Variants in CAMTA1 observed in about 807,000 individuals in gnomAD.
The protein encoded by CAMTA1 is calmodulin binding transcription activator 1.
CAMTA1 carries 27 observed loss-of-function variants against 170.9 expected under a neutral mutation model. That is an observed-to-expected ratio of 0.16 (90% CI 0.12 to 0.22). The LOEUF (loss-of-function observed/expected upper bound fraction) is 0.22. CAMTA1 is among the 10% of genes least tolerant of loss of function. The probability of loss-of-function intolerance (pLI) is 1.00; values close to 1 mark genes in which losing one functional copy is unlikely to be tolerated. For missense variants in CAMTA1, 1,619 were observed against 2,217.2 expected (o/e 0.73, Z 5.42); for synonymous variants, 833 against 891.5 (o/e 0.93, Z 1.17).
At chr1:7,002,624 G>T (rs1698394579) in intron 3 of CAMTA1, among the ~76,000 whole-genome samples, 1 of 152,210 alleles carries the variant, frequency 6.6e-6, no homozygotes, top group African/African-American at 2.4e-5. Flanking sequence ...CTTGTGGGGT[G>T]ACTTGGATCT....
chr1:7,663,849 C>G lies in CAMTA1; in HGVS notation c.1302C>G (p.Ala434=). 1 of 1,614,090 alleles carries G rather than the reference C, an allele frequency of 6.2e-7. No homozygotes were observed. The highest frequency in any genetic ancestry group is 1.3e-5 in the African/African-American group (1 of 75,054). Reference sequence around the variant, plus strand: ...ACGCCTCTCAGGGCCTCGTCCTGGCCGTGAGCTCTGATGGCCACAAGTTCG... The same window carrying G: ...ACGCCTCTCAGGGCCTCGTCCTGGCGGTGAGCTCTGATGGCCACAAGTTCG... The part of the protein sequence containing the change: ...SPDASQGLVL[A]VSSDGHKFAF... Residue 434 remains alanine, a synonymous_variant, in exon 9 of 23, where the codon GCC becomes GCG. Transcript: ENST00000303635.
At chr1:7,324,803 T>C in intron 5 of CAMTA1, among the ~76,000 whole-genome samples, 1 of 98,652 alleles carries the variant, frequency 1.0e-5, no homozygotes, top group African/African-American at 3.1e-5. Context: ...GGAGACTCCA[T>C]CTCAAAAAAA....
intron 6 of CAMTA1, among the ~76,000 whole-genome samples, chr1:7,572,729 C>T (rs2095139737): frequency 6.6e-6 from 1 of 152,216 alleles, no homozygotes; most frequent in African/African-American, 2.4e-5. Context: ...CTAATACCAT[C>T]ACCTGGGGGT....
intron 6 of CAMTA1, among the ~76,000 whole-genome samples, chr1:7,624,281 C>T (rs1206276721): frequency 6.6e-6 from 1 of 152,230 alleles, no homozygotes; most frequent in African/African-American, 2.4e-5. Flanking sequence ...CAGAACCCTG[C>T]CTATGCGATT....
Position 7,671,494 on chromosome 1 carries a change from C to T in CAMTA1, c.2779+457C>T, listed in dbSNP as rs570067994. 1.4e-4 allele frequency among the ~76,000 whole-genome samples: 22 copies of T among 152,326 alleles called. 1 individual carries two copies. Among genetic ancestry groups the T allele is most frequent in the Admixed American group, 1.2e-3 (19 of 15,310 alleles). ...GCCAGGAGAGCCCAGGCAATGCAGCCCACACACAGGCTCCATCCTCCCGAG... is the reference window on the plus strand; with the variant it reads ...GCCAGGAGAGCCCAGGCAATGCAGCTCACACACAGGCTCCATCCTCCCGAG... On this transcript the variant is annotated intron_variant, in intron 10 of 22. Coordinates refer to ENST00000303635, the MANE Select transcript of CAMTA1 (RefSeq NM_015215.4).
chr1:7,417,746 G>A (rs1274651957), intron 5 of CAMTA1, among the ~76,000 whole-genome samples: 9 of 152,136 alleles, frequency 5.9e-5, no homozygotes, highest in Non-Finnish European at 8.8e-5. Context: ...ATGCCTCGCT[G>A]TGCTTCGGCT....
intron 3 of CAMTA1, among the ~76,000 whole-genome samples, chr1:6,944,241 A>G (rs10864250): frequency 0.61 from 92,383 of 152,046 alleles, 28,600 homozygotes; most frequent in Non-Finnish European, 0.68. Context: ...CTATTGTATG[A>G]ATGGACCACC....
intron 22 of CAMTA1, among the ~76,000 whole-genome samples, chr1:7,759,747 A>T (rs902602340): frequency 6.6e-6 from 1 of 152,220 alleles, no homozygotes; most frequent in Non-Finnish European, 1.5e-5. Flanking sequence ...AAAAACCAAG[A>T]TACCTCATAT....
chr1:7,593,679 A>G (rs2095371673), intron 6 of CAMTA1, among the ~76,000 whole-genome samples: 1 of 151,096 alleles, frequency 6.6e-6, no homozygotes, highest in Admixed American at 6.6e-5. Flanking sequence ...TAGTAAAGAC[A>G]GGGGTTTCAC....
chr1:6,904,725 C>T (rs1336320845), intron 3 of CAMTA1, among the ~76,000 whole-genome samples: 1 of 140,592 alleles, frequency 7.1e-6, no homozygotes, highest in Admixed American at 7.4e-5. Context: ...CGCCACCATG[C>T]CCAGCTAATT....
At chr1:7,237,165 A>G (rs1017890803) in intron 4 of CAMTA1, among the ~76,000 whole-genome samples, 1 of 152,204 alleles carries the variant, frequency 6.6e-6, no homozygotes, top group Non-Finnish European at 1.5e-5. Flanking sequence ...GTTCTTTAGA[A>G]GCCATCCAGA....
intron 7 of CAMTA1, among the ~76,000 whole-genome samples, chr1:7,660,487 G>A (rs1008272177): frequency 7.9e-5 from 12 of 152,292 alleles, no homozygotes; most frequent in East Asian, 1.9e-4. Flanking sequence ...ACAGTGAGTC[G>A]TGTTTATACC....
chr1:7,079,948 T>C (rs1213936384), intron 3 of CAMTA1, among the ~76,000 whole-genome samples: 1 of 152,180 alleles, frequency 6.6e-6, no homozygotes, highest in Non-Finnish European at 1.5e-5. Context: ...TAGAGTAAAT[T>C]ATCCTTACAT....
At chr1:7,169,968 A>C (rs1649264109) in intron 4 of CAMTA1, among the ~76,000 whole-genome samples, 1 of 152,110 alleles carries the variant, frequency 6.6e-6, no homozygotes, top group East Asian at 1.9e-4. Context: ...TGTTCTTTTC[A>C]AAGAACCAAC....
At chr1:6,893,399 C>G (rs1674973218) in intron 3 of CAMTA1, among the ~76,000 whole-genome samples, 1 of 152,234 alleles carries the variant, frequency 6.6e-6, no homozygotes, top group African/African-American at 2.4e-5. Flanking sequence ...GAGCTGCTCC[C>G]TTGCAGCAGT....
intron 9 of CAMTA1, among the ~76,000 whole-genome samples, chr1:7,667,774 G>GGAGC (rs763570994): frequency 1.2e-3 from 186 of 151,960 alleles, no homozygotes; most frequent in Non-Finnish European, 1.8e-3. Flanking sequence ...CCCAGCAGAG[G>GGAGC]GAGCGGCCAG....
chr1:7,670,782 G>C lies in CAMTA1; in HGVS notation c.2653-129G>C, dbSNP rs1296790816. ...GCTCACTGCAATCCCTGGAGTGAGG[G>C]CCTGGGAATCTGCATGGGGCGAGGG... On this transcript the variant is annotated intron_variant, in intron 9 of 22. Transcript: ENST00000303635. The C allele has an allele frequency of 1.1e-5, 11 of 1,008,756 alleles. No individual in the cohort carries two copies. The East Asian group carries it at 2.7e-4, about 25-fold the overall frequency. 62.5% of individuals were successfully genotyped at this position (1,008,756 alleles called of 1,614,324 possible).
chr1:7,584,876 C>T (rs575243223), intron 6 of CAMTA1, among the ~76,000 whole-genome samples: 4 of 152,272 alleles, frequency 2.6e-5, no homozygotes, highest in African/African-American at 7.2e-5. Context: ...TGCAATGCAC[C>T]GGACAGCCCC....
chr1:7,113,008 C>T lies in CAMTA1; in HGVS notation c.302+21637C>T, dbSNP rs909662870. 1.5e-4 allele frequency among the ~76,000 whole-genome samples: 23 copies of T among 152,364 alleles called. No individual in the cohort carries two copies. Among genetic ancestry groups the T allele is most frequent in the Admixed American group, 1.4e-3 (21 of 15,310 alleles). On this transcript the variant is annotated intron_variant, in intron 4 of 22. Coordinates refer to ENST00000303635, the MANE Select transcript of CAMTA1 (RefSeq NM_015215.4). The surrounding 1 kb of genome is among the most constrained non-coding windows in gnomAD (Gnocchi z 4.5). Reference sequence around the variant, plus strand: ...GTGGAAACCTTTCCCGGCAGCCTCACGTCTGCTTTTCAGGTACTCTGGTTC... The same window carrying T: ...GTGGAAACCTTTCCCGGCAGCCTCATGTCTGCTTTTCAGGTACTCTGGTTC...
Sources: allele counts gnomAD v4.1 joint callset (sites outside exome capture counted in the v4.1 genomes callset), GRCh38; gene constraint gnomAD v4.1.1; non-coding constraint Gnocchi (gnomAD v3.1); transcripts MANE v1.5; gene names NCBI Gene and HGNC (gene_info 2026-07-23, HGNC 2026-07-21).